Variants in ADGRL3 observed in about 807,000 individuals in gnomAD.
The protein encoded by ADGRL3 is calcium-independent alpha-latrotoxin receptor 3.
Under a neutral mutation model 153.5 loss-of-function variants are expected in ADGRL3, and 62 were observed. The observed-to-expected ratio is 0.40, with a 90% CI of 0.33 to 0.50. The LOEUF (loss-of-function observed/expected upper bound fraction) is 0.50. ADGRL3 is among the 20% of genes least tolerant of loss of function. ADGRL3 has a pLI of 0.47. For missense variants in ADGRL3, 1,641 were observed against 1,859.4 expected (o/e 0.88, Z 2.16); for synonymous variants, 710 against 672.5 (o/e 1.06, Z -0.86).
intron 2 of ADGRL3, among the ~76,000 whole-genome samples, chr4:61,418,332 A>G (rs1385498067): frequency 1.3e-5 from 2 of 152,224 alleles, no homozygotes; most frequent in Admixed American, 6.5e-5. Flanking sequence ...TAGAGAATCA[A>G]TACTGGGTAA....
chr4:61,616,601 C>T (rs1579878321), intron 5 of ADGRL3, among the ~76,000 whole-genome samples: 2 of 152,212 alleles, frequency 1.3e-5, no homozygotes, highest in South Asian at 2.1e-4. Flanking sequence ...AGTCTCTATC[C>T]AACTATTGAC....
intron 2 of ADGRL3, among the ~76,000 whole-genome samples, chr4:61,409,404 A>G (rs372204788): frequency 7.3e-6 from 1 of 137,894 alleles, no homozygotes; most frequent in African/African-American, 2.6e-5. Flanking sequence ...AGACATACAT[A>G]ATATATATAT....
chr4:61,958,342 T>C (rs577398166), intron 17 of ADGRL3, among the ~76,000 whole-genome samples: 1 of 152,232 alleles, frequency 6.6e-6, no homozygotes, highest in South Asian at 2.1e-4. Context: ...TTGTTTCTAA[T>C]TGGTTGTAAG....
At chr4:61,616,080 A>C (rs1301694466) in intron 5 of ADGRL3, among the ~76,000 whole-genome samples, 2 of 152,170 alleles carry the variant, frequency 1.3e-5, no homozygotes, top group Non-Finnish European at 2.9e-5. Context: ...AGACAGACAG[A>C]CAATAGTCCA....
chr4:61,660,871 T>G (rs568325407), intron 5 of ADGRL3, among the ~76,000 whole-genome samples: 1 of 152,282 alleles, frequency 6.6e-6, no homozygotes, highest in Admixed American at 6.5e-5. Flanking sequence ...ACTTAGAATC[T>G]AAATTAAAAA....
chr4:61,337,218 CT>C (rs1335734181), intron 1 of ADGRL3, among the ~76,000 whole-genome samples: 1 of 152,172 alleles, frequency 6.6e-6, no homozygotes, highest in Non-Finnish European at 1.5e-5. Context: ...AGATGTACCC[CT>C]GACCCCTTTG....
chr4:61,367,994 G>A (rs371806460), intron 1 of ADGRL3, among the ~76,000 whole-genome samples: 1,744 of 151,010 alleles, frequency 0.012, 17 homozygotes, highest in Non-Finnish European at 0.02. Context: ...GCCAGTGATG[G>A]TGAGCATTTT....
chr4:61,949,919 T>C (rs888737445), intron 17 of ADGRL3, among the ~76,000 whole-genome samples: 2 of 152,208 alleles, frequency 1.3e-5, no homozygotes, highest in Admixed American at 6.5e-5. Context: ...CACAGCATTT[T>C]ATATTATAAT....
At chr4:61,585,106 G>A (rs1241783762) in intron 4 of ADGRL3, among the ~76,000 whole-genome samples, 1 of 151,810 alleles carries the variant, frequency 6.6e-6, no homozygotes, top group Non-Finnish European at 1.5e-5. Flanking sequence ...AATCAATGCT[G>A]TGGATGTGCT....
At chr4:61,909,919 A>T (rs1302776189) in intron 12 of ADGRL3, among the ~76,000 whole-genome samples, 174 bp downstream of exon 12, 11 of 152,136 alleles carry the variant, frequency 7.2e-5, no homozygotes. Flanking sequence ...TATTATAATA[A>T]TAGAACTGTG....
intron 1 of ADGRL3, among the ~76,000 whole-genome samples, chr4:61,347,194 C>T (rs1236992259): frequency 1.3e-5 from 2 of 151,988 alleles, no homozygotes; most frequent in African/African-American, 4.8e-5. Context: ...TTGTTTCAAA[C>T]TTTTTATGTG....
chr4:61,645,239 A>T (rs1325316477), intron 5 of ADGRL3, among the ~76,000 whole-genome samples: 1 of 152,082 alleles, frequency 6.6e-6, no homozygotes. Context: ...CTCTTTATCC[A>T]ATTTGCCAGT....
intron 5 of ADGRL3, among the ~76,000 whole-genome samples, chr4:61,625,172 GTTAT>G (rs1159874485): frequency 1.3e-5 from 2 of 151,912 alleles, no homozygotes; most frequent in Non-Finnish European, 2.9e-5. Context: ...TCATTCAACG[GTTAT>G]TTATTTAGTG....
rs554532523 is a variant in ADGRL3 at position 61,213,329 on chromosome 4, A to G, written c.-240+11564A>G. Among the ~76,000 whole-genome samples the G allele has an allele frequency of 2.6e-5, 4 of 152,104 alleles. No individual in the cohort carries two copies. In the East Asian group the frequency reaches 7.7e-4, roughly 29 times the overall value. The stretch of plus-strand genomic sequence containing the variant: ...CTCAGTAGAAGTTACTCTGGAATGA[A>G]TTTTTCCTCCACATACATCATTTGT... On this transcript the variant is annotated intron_variant, in intron 1 of 26. Transcript: ENST00000683033.
At chr4:61,870,777 A>T (rs2098439211) in intron 9 of ADGRL3, among the ~76,000 whole-genome samples, 1 of 152,234 alleles carries the variant, frequency 6.6e-6, no homozygotes, top group Middle Eastern at 3.2e-3. Flanking sequence ...CCTGTAATCA[A>T]AATGACAGAT....
At chr4:61,874,840 C>T (rs1197182504) in intron 9 of ADGRL3, among the ~76,000 whole-genome samples, 1 of 116,984 alleles carries the variant, frequency 8.5e-6, no homozygotes, top group Non-Finnish European at 1.6e-5. Context: ...CTCGCTCTGT[C>T]GCCCAGGCCG....
chr4:61,699,717 A>G (rs2095712893), intron 6 of ADGRL3, among the ~76,000 whole-genome samples: 1 of 152,214 alleles, frequency 6.6e-6, no homozygotes, highest in Non-Finnish European at 1.5e-5. Flanking sequence ...TCTTAAAAAC[A>G]TAATAATTAA....
chr4:61,949,625 G>T (rs1188112809), intron 17 of ADGRL3, among the ~76,000 whole-genome samples: 1 of 151,918 alleles, frequency 6.6e-6, no homozygotes, highest in Admixed American at 6.6e-5. Context: ...AACCAGGGAG[G>T]CAGAGGTTGC....
intron 5 of ADGRL3, among the ~76,000 whole-genome samples, chr4:61,644,486 T>G (rs547869413): frequency 6.6e-6 from 1 of 152,320 alleles, no homozygotes; most frequent in African/African-American, 2.4e-5. Context: ...TCTGGTATGT[T>G]GTGTCTTCTC....
Sources: gnomAD v4.1 joint callset for allele counts (sites outside exome capture counted in the v4.1 genomes callset) on GRCh38, gnomAD v4.1.1 for gene constraint, MANE v1.5 for transcripts, NCBI Gene and HGNC (gene_info 2026-07-23, HGNC 2026-07-21) for gene names.